CD82: variants seen among roughly 807,000 people sequenced by gnomAD.
CD82 encodes the protein CD82 antigen.
A neutral mutation model predicts 37.4 loss-of-function variants in CD82; 36 were observed. The ratio of observed to expected loss-of-function variants is 0.96; its 90% CI spans 0.74 to 1.27. The LOEUF (loss-of-function observed/expected upper bound fraction) is 1.27. CD82 is among the 50% of genes most tolerant of loss of function. The pLI is 0.00. For missense variants in CD82, 340 were observed against 347.0 expected (o/e 0.98, Z 0.16); for synonymous variants, 158 against 137.4 (o/e 1.15, Z -1.05).
chr11:44,588,984 C>T (rs532758178), intron 2 of CD82, among the ~76,000 whole-genome samples: 4 of 152,298 alleles, frequency 2.6e-5, no homozygotes, highest in South Asian at 2.1e-4. Context: ...TCACCAGGAA[C>T]GGTGGCTCAC....
chr11:44,608,723 A>G (rs991777970), intron 6 of CD82, among the ~76,000 whole-genome samples: 1 of 152,290 alleles, frequency 6.6e-6, no homozygotes, highest in Non-Finnish European at 1.5e-5. Context: ...AAGGCTATGT[A>G]TGGCCTTTGC....
intron 1 of CD82, among the ~76,000 whole-genome samples, chr11:44,586,336 C>T (rs1336586802): frequency 6.6e-6 from 1 of 152,096 alleles, no homozygotes; most frequent in South Asian, 2.1e-4. Context: ...GGCCTGTGAC[C>T]TCCTGAAACT....
chr11:44,608,420 G>T (rs1853431107), intron 6 of CD82, among the ~76,000 whole-genome samples: 1 of 152,146 alleles, frequency 6.6e-6, no homozygotes, highest in Admixed American at 6.5e-5. Context: ...TCTATAAATT[G>T]AGAATAAATC....
chr11:44,577,268 A>G (rs1270806509), intron 1 of CD82, among the ~76,000 whole-genome samples: 2 of 152,094 alleles, frequency 1.3e-5, no homozygotes, highest in African/African-American at 2.4e-5. Flanking sequence ...TCTAAAATGT[A>G]TCATGCAGAA....
intron 1 of CD82, chr11:44,585,144 C>T (rs1853035120): frequency 2.2e-6 from 1 of 455,098 alleles, no homozygotes; most frequent in African/African-American, 2.0e-5. Context: ...CTCCCCCAGC[C>T]CCTTACCCAG....
At chr11:44,609,653 G>T (rs1853452406) in intron 6 of CD82, among the ~76,000 whole-genome samples, 1 of 152,210 alleles carries the variant, frequency 6.6e-6, no homozygotes, top group Admixed American at 6.5e-5. Flanking sequence ...TGGCGAGACG[G>T]GTTCCTAGGG....
chr11:44,615,095 G>A (rs1031106268), intron 6 of CD82, among the ~76,000 whole-genome samples, 177 bp from the exon 7 acceptor site: 1 of 152,198 alleles, frequency 6.6e-6, no homozygotes, highest in African/African-American at 2.4e-5. Flanking sequence ...TAGTGGGGCA[G>A]GAGTGGTTGG....
In CD82 at chr11:44,587,479, C is replaced by T. The variant is rs1005090662; in HGVS notation, c.-98C>T. ...GATCTGGGTCGTGTTTTTCAGAGTC[C>T]TCCCTGCTGCTGTGTGGACGACACG... On this transcript the variant is annotated 5_prime_UTR_variant, in exon 2 of 10. Transcript: ENST00000227155. 1.3e-5 allele frequency: 6 copies of T among 456,218 alleles called. No individual in the cohort carries two copies. The highest frequency in any genetic ancestry group is 6.0e-5 in the African/African-American group (3 of 50,084). 28.3% of individuals were successfully genotyped at this position (456,218 alleles called of 1,614,324 possible).
At chr11:44,611,153 TA>T (rs1853475332) in intron 6 of CD82, among the ~76,000 whole-genome samples, 4 of 152,118 alleles carry the variant, frequency 2.6e-5, no homozygotes, top group African/African-American at 9.7e-5. Context: ...TAATAATTTT[TA>T]AACAAGGGGC....
intron 1 of CD82, among the ~76,000 whole-genome samples, chr11:44,571,102 G>T (rs1341658635): frequency 6.6e-6 from 1 of 152,180 alleles, no homozygotes; most frequent in Non-Finnish European, 1.5e-5. Flanking sequence ...CTGGGCCTTG[G>T]CTCTCAGTGT....
intron 1 of CD82, among the ~76,000 whole-genome samples, chr11:44,573,941 C>T (rs1852851121): frequency 6.6e-6 from 1 of 152,152 alleles, no homozygotes; most frequent in Non-Finnish European, 1.5e-5. Flanking sequence ...AGAGTGCACC[C>T]TCAATGAAGC....
chr11:44,598,578 A>G (rs748321817), intron 3 of CD82, among the ~76,000 whole-genome samples: 8 of 151,586 alleles, frequency 5.3e-5, no homozygotes, highest in Non-Finnish European at 7.4e-5. Context: ...ACGCCCAGCT[A>G]ATTGTATTTT....
intron 4 of CD82, among the ~76,000 whole-genome samples, chr11:44,601,636 GCTT>G (rs1273893778): frequency 6.6e-6 from 1 of 152,206 alleles, no homozygotes; most frequent in Non-Finnish European, 1.5e-5. Flanking sequence ...GGTGGGGAGA[GCTT>G]CCTGCATGGC....
intron 1 of CD82, among the ~76,000 whole-genome samples, chr11:44,567,891 TGAG>T (rs1852759830): frequency 6.6e-6 from 1 of 152,150 alleles, no homozygotes; most frequent in Non-Finnish European, 1.5e-5. Flanking sequence ...GATAGTGTCT[TGAG>T]GAGAGGAAAA....
chr11:44,618,437 A>G (rs1853601068), intron 8 of CD82, 72 bp downstream of exon 8: 4 of 1,341,546 alleles, frequency 3.0e-6, no homozygotes, highest in Non-Finnish European at 4.2e-6. Flanking sequence ...CTGCTCAGCA[A>G]TTCCTTCCTG....
intron 1 of CD82, among the ~76,000 whole-genome samples, chr11:44,573,794 A>G (rs1405719474): frequency 6.6e-6 from 1 of 152,208 alleles, no homozygotes; most frequent in Non-Finnish European, 1.5e-5. Flanking sequence ...CTTCTCAGGC[A>G]TTGATGTCAG....
intron 1 of CD82, among the ~76,000 whole-genome samples, chr11:44,573,723 C>T (rs1044724188): frequency 6.6e-6 from 1 of 152,230 alleles, no homozygotes; most frequent in Non-Finnish European, 1.5e-5. Context: ...GAATCCCTAA[C>T]CATCCCTGCA....
At chr11:44,592,209 C>T (rs1853155750) in intron 2 of CD82, among the ~76,000 whole-genome samples, 1 of 152,150 alleles carries the variant, frequency 6.6e-6, no homozygotes, top group South Asian at 2.1e-4. Context: ...TGTAGAAACC[C>T]CTTTCCCGGA....
intron 3 of CD82, 87 bp downstream of exon 3, chr11:44,594,812 G>A (rs777390183): frequency 3.4e-5 from 38 of 1,132,220 alleles, no homozygotes; most frequent in Non-Finnish European, 4.6e-5. Context: ...AGAGCCGACC[G>A]GGCCGGGGAT....
Sources: gnomAD v4.1 joint callset for allele counts (sites outside exome capture counted in the v4.1 genomes callset) on GRCh38, gnomAD v4.1.1 for gene constraint, MANE v1.5 for transcripts, NCBI Gene and HGNC (gene_info 2026-07-23, HGNC 2026-07-21) for gene names.